Variants in DCC observed in about 807,000 individuals in gnomAD.
DCC encodes netrin receptor DCC.
DCC carries 58 observed loss-of-function variants against 172.5 expected under a neutral mutation model. The ratio of observed to expected loss-of-function variants is 0.34; its 90% CI spans 0.27 to 0.42. DCC has a LOEUF of 0.42. Ranked by LOEUF, DCC falls within the 10% of genes least tolerant of loss-of-function variation. DCC has a pLI of 1.00. For missense variants in DCC, 1,740 were observed against 1,791.0 expected, an observed-to-expected ratio of 0.97 and a Z score of 0.51; for synonymous variants, 709 against 644.5, an observed-to-expected ratio of 1.10 and a Z score of -1.52.
intron 1 of DCC, among the ~76,000 whole-genome samples, chr18:52,590,784 T>C (rs942349092): frequency 2.6e-5 from 4 of 152,246 alleles, no homozygotes; most frequent in African/African-American, 9.6e-5. Context: ...TTGTGCTTAA[T>C]TAAGTTCTAC....
intron 5 of DCC, among the ~76,000 whole-genome samples, chr18:52,940,674 A>C (rs1185791323): frequency 6.6e-6 from 1 of 152,188 alleles, no homozygotes; most frequent in Non-Finnish European, 1.5e-5. Flanking sequence ...GTAATTTAAT[A>C]TATCTAGGGA....
chr18:53,085,211 G>A (rs2042860732), intron 7 of DCC, among the ~76,000 whole-genome samples: 1 of 152,080 alleles, frequency 6.6e-6, no homozygotes, highest in Non-Finnish European at 1.5e-5. Flanking sequence ...AGCTTTTGCA[G>A]GAATTAATAA....
intron 2 of DCC, among the ~76,000 whole-genome samples, chr18:52,854,501 C>T (rs1269983179): frequency 6.6e-6 from 1 of 152,092 alleles, no homozygotes; most frequent in Non-Finnish European, 1.5e-5. Flanking sequence ...GTGGACTTCC[C>T]TCTCTCCATG....
At chr18:53,291,168 GA>G (rs906236372) in intron 12 of DCC, among the ~76,000 whole-genome samples, 2 of 143,190 alleles carry the variant, frequency 1.4e-5, no homozygotes, top group African/African-American at 2.6e-5. Flanking sequence ...ACTGCATTTC[GA>G]AAAAAAAAAG....
intron 2 of DCC, among the ~76,000 whole-genome samples, chr18:52,855,035 G>A (rs561523207): frequency 6.6e-6 from 1 of 152,310 alleles, no homozygotes; most frequent in East Asian, 1.9e-4. Context: ...GAGTTATGTT[G>A]CATAAAGTCC....
intron 2 of DCC, among the ~76,000 whole-genome samples, chr18:52,842,098 A>T (rs2038816992): frequency 6.6e-6 from 1 of 152,176 alleles, no homozygotes; most frequent in Non-Finnish European, 1.5e-5. Flanking sequence ...TTATACAATC[A>T]AATTATCAAA....
intron 2 of DCC, among the ~76,000 whole-genome samples, chr18:52,851,806 A>T (rs1348612681): frequency 6.6e-6 from 1 of 152,126 alleles, no homozygotes; most frequent in East Asian, 1.9e-4. Context: ...AAAGAAATGT[A>T]AATTTCAAAA....
chr18:53,228,973 T>G (rs1174843520), intron 12 of DCC, among the ~76,000 whole-genome samples: 1 of 152,178 alleles, frequency 6.6e-6, no homozygotes, highest in Non-Finnish European at 1.5e-5. Context: ...TGAAAATGTA[T>G]GTCCAGCATT....
At chr18:52,621,232 C>T (rs1352310288) in intron 1 of DCC, among the ~76,000 whole-genome samples, 1 of 152,162 alleles carries the variant, frequency 6.6e-6, no homozygotes, top group Non-Finnish European at 1.5e-5. Context: ...CTGAATTAAT[C>T]GATTTTTCTC....
At chr18:52,418,861 T>TCTTTC (rs71173393) in intron 1 of DCC, among the ~76,000 whole-genome samples, 47 of 73,588 alleles carry the variant, frequency 6.4e-4, no homozygotes, top group Admixed American at 1.3e-3. Flanking sequence ...TTTCTTTCTT[T>TCTTTC]TTTTTTTTTT....
chr18:52,635,326 A>G (rs573436267), intron 1 of DCC, among the ~76,000 whole-genome samples: 16 of 152,274 alleles, frequency 1.1e-4, no homozygotes, highest in African/African-American at 3.9e-4. Context: ...AAAATGAACA[A>G]CCTTTGCCCT....
At chr18:52,764,824 A>G (rs1401193686) in intron 2 of DCC, among the ~76,000 whole-genome samples, 2 of 152,170 alleles carry the variant, frequency 1.3e-5, no homozygotes, top group Non-Finnish European at 2.9e-5. Flanking sequence ...TGTAAAAAGA[A>G]GTTTCTAGTA....
At chr18:52,456,824 G>T (rs528918259) in intron 1 of DCC, among the ~76,000 whole-genome samples, 5 of 152,130 alleles carry the variant, frequency 3.3e-5, no homozygotes, top group Admixed American at 2.6e-4. Flanking sequence ...GCCACAAATC[G>T]CAAAGCTGGA....
intron 19 of DCC, among the ~76,000 whole-genome samples, chr18:53,405,079 A>G: frequency 6.6e-6 from 1 of 152,084 alleles, no homozygotes; most frequent in Non-Finnish European, 1.5e-5. Flanking sequence ...TATTCAAATT[A>G]CTTCCAGAAA....
chr18:52,748,026 C>T (rs960598082), intron 1 of DCC, among the ~76,000 whole-genome samples: 1 of 152,196 alleles, frequency 6.6e-6, no homozygotes, highest in Non-Finnish European at 1.5e-5. Context: ...TGACAGGCTG[C>T]GGTCGGCTCG....
At chr18:53,430,808 A>G (rs1421056299) in intron 21 of DCC, among the ~76,000 whole-genome samples, 1 of 152,178 alleles carries the variant, frequency 6.6e-6, no homozygotes, top group Non-Finnish European at 1.5e-5. Context: ...GCACAAAGGA[A>G]TATAACAATG....
chr18:52,493,324 G>T (rs1209403394), intron 1 of DCC, among the ~76,000 whole-genome samples: 6 of 151,948 alleles, frequency 3.9e-5, no homozygotes, highest in Admixed American at 1.3e-4. Flanking sequence ...TCTGCAGGAC[G>T]GTTGTTTTGT....
chr18:53,096,829 G>A lies in DCC; in HGVS notation c.1261+30663G>A, dbSNP rs962742415. On this transcript the variant is annotated intron_variant, in intron 7 of 28. Coordinates refer to ENST00000442544, the MANE Select transcript of DCC (RefSeq NM_005215.4). ...ATTATTATGATCCTCGTCTGTGATA[G>A]CATTACCATAATTACTATGCTAAAA... 4.6e-5 allele frequency among the ~76,000 whole-genome samples: 7 copies of A among 152,132 alleles called. No homozygotes were observed. The South Asian group carries it at 1.5e-3, about 32-fold the overall frequency.
chr18:53,252,421 G>A (rs2056449406), intron 12 of DCC, among the ~76,000 whole-genome samples: 1 of 151,880 alleles, frequency 6.6e-6, no homozygotes, highest in South Asian at 2.1e-4. Flanking sequence ...TATGTTGACA[G>A]AAAAATAGTT....
Sources: allele counts gnomAD v4.1 joint callset (sites outside exome capture counted in the v4.1 genomes callset), GRCh38; gene constraint gnomAD v4.1.1; transcripts MANE v1.5; gene names NCBI Gene and HGNC (gene_info 2026-07-23, HGNC 2026-07-21).